PCDHGA3: variants seen among roughly 807,000 people sequenced by gnomAD.
PCDHGA3 encodes the protein protocadherin gamma-A3.
A neutral mutation model predicts 58.5 loss-of-function variants in PCDHGA3; 40 were observed. The ratio of observed to expected loss-of-function variants is 0.68; its 90% confidence interval spans 0.53 to 0.89. PCDHGA3 has a LOEUF of 0.89. PCDHGA3 is among the 40% of genes least tolerant of loss of function. The pLI, the probability that PCDHGA3 is intolerant of heterozygous loss-of-function variation, is 0.00. For missense variants in PCDHGA3, 1,223 were observed against 1,195.9 expected (o/e 1.02, Z -0.33); for synonymous variants, 530 against 525.7 (o/e 1.01, Z -0.11).
intron 1 of PCDHGA3, chr5:141,390,040 C>T (rs2092027580): frequency 6.2e-7 from 1 of 1,614,072 alleles, no homozygotes; most frequent in Non-Finnish European, 8.5e-7. Context: ...TCCTCCAGCC[C>T]CGCCTCCTGG....
At chr5:141,369,807 C>A (rs998139632) in intron 1 of PCDHGA3, among the ~76,000 whole-genome samples, 1 of 152,130 alleles carries the variant, frequency 6.6e-6, no homozygotes, top group Non-Finnish European at 1.5e-5. Flanking sequence ...CTGCCATCAC[C>A]AAAAATAGCT....
rs75563633 is a variant in PCDHGA3 at position 141,365,084 on chromosome 5, C to G, written c.2424+18627C>G. The G allele has an allele frequency of 4.2e-4, 675 of 1,613,836 alleles. 2 individuals carry two copies. The African/African-American group carries it at 8.3e-3, about 20-fold the overall frequency. ...CCCATCCGAGTACAGCGTGAGTGTT[C>G]CAGAGAACATACCTGTGGGCACTCG... On this transcript the variant is annotated intron_variant, in intron 1 of 3. Coordinates refer to ENST00000253812, the MANE Select transcript of PCDHGA3 (RefSeq NM_018916.4).
At chr5:141,405,407 CT>C (rs762612492) in intron 1 of PCDHGA3, 3 of 1,582,042 alleles carry the variant, frequency 1.9e-6, no homozygotes, top group South Asian at 1.1e-5. Context: ...TCTTTCTTTT[CT>C]TTTTTTGTTT....
At chr5:141,501,866 C>T (rs1193396289) in intron 2 of PCDHGA3, among the ~76,000 whole-genome samples, 4 of 152,108 alleles carry the variant, frequency 2.6e-5, no homozygotes, top group South Asian at 2.1e-4. Context: ...TTTCCCAGGA[C>T]GCCTCCTTAC....
intron 1 of PCDHGA3, chr5:141,371,022 C>T (rs758259761): frequency 1.2e-4 from 200 of 1,613,906 alleles, no homozygotes; most frequent in Non-Finnish European, 1.6e-4. Flanking sequence ...ACATCACCAC[C>T]TGGTCCTCAC....
At chr5:141,463,981 A>G (rs1441851777) in intron 1 of PCDHGA3, among the ~76,000 whole-genome samples, 1 of 152,150 alleles carries the variant, frequency 6.6e-6, no homozygotes, top group Non-Finnish European at 1.5e-5. Context: ...ACTCCATTGT[A>G]AAAACCAGGT....
chr5:141,427,355 C>A (rs765449381), intron 1 of PCDHGA3: 9 of 457,430 alleles, frequency 2.0e-5, no homozygotes, highest in Non-Finnish European at 3.5e-5. Context: ...TAACTGAGGA[C>A]GCAGAACCCT....
chr5:141,503,418 A>G (rs1037754214), intron 2 of PCDHGA3, among the ~76,000 whole-genome samples: 1 of 151,528 alleles, frequency 6.6e-6, no homozygotes, highest in Admixed American at 6.6e-5. Context: ...AATATGGTGA[A>G]ACCCCATCTC....
At chr5:141,351,546 C>G (rs764015416) in intron 1 of PCDHGA3, 1 of 1,614,050 alleles carries the variant, frequency 6.2e-7, no homozygotes, top group East Asian at 2.2e-5. Flanking sequence ...CCAGCCCTTT[C>G]CTCCAGGACA....
chr5:141,371,829 C>G (rs763758826), intron 1 of PCDHGA3: 13 of 1,613,692 alleles, frequency 8.1e-6, no homozygotes, highest in Non-Finnish European at 1.0e-5. Flanking sequence ...AGCCTCGGAT[C>G]CCGACTTGGG....
chr5:141,432,139 TATCCCAGAGAACA>T lies in PCDHGA3; in HGVS notation c.2425-62658_2425-62646del, dbSNP rs745506362. On this transcript the variant is annotated intron_variant, in intron 1 of 3. Transcript: ENST00000253812. The surrounding 1 kb of genome is among the most constrained non-coding windows in gnomAD (Gnocchi z 6.0). ...TCCCTCAGGCCTCCTATTCCGCTTA[TATCCCAGAGAACA>T]ATCCCAGAGGAGTTTCCCTCGTCTC... 1.1e-5 allele frequency: 17 copies of T among 1,613,976 alleles called. No individual in the cohort carries two copies. The highest frequency in any genetic ancestry group is 1.3e-5 in the African/African-American group (1 of 74,892).
chr5:141,488,170 T>C (rs554585709), intron 1 of PCDHGA3, among the ~76,000 whole-genome samples: 2 of 152,318 alleles, frequency 1.3e-5, no homozygotes, highest in African/African-American at 2.4e-5. Context: ...ATCAGAGTGG[T>C]GGCATAGATC....
rs751145850 is a variant in PCDHGA3 at position 141,432,148 on chromosome 5, G to A, written c.2425-62659G>A. The A allele has an allele frequency of 6.1e-5, 99 of 1,613,884 alleles. No individual in the cohort carries two copies. The Admixed American group carries it at 1.5e-3, about 24-fold the overall frequency. On this transcript the variant is annotated intron_variant, in intron 1 of 3. Transcript: ENST00000253812. The surrounding 1 kb of genome is among the most constrained non-coding windows in gnomAD (Gnocchi z 6.0). ...CCTCCTATTCCGCTTATATCCCAGA[G>A]AACAATCCCAGAGGAGTTTCCCTCG...
chr5:141,367,062 T>C (rs1420841917), intron 1 of PCDHGA3: 1 of 308,254 alleles, frequency 3.2e-6, no homozygotes, highest in East Asian at 7.5e-5. Context: ...ATGTTTTATT[T>C]ATTCAAATTG....
At chr5:141,360,424 G>A (rs1561520496) in intron 1 of PCDHGA3, 6 of 1,613,958 alleles carry the variant, frequency 3.7e-6, no homozygotes, top group Non-Finnish European at 3.4e-6. Context: ...ACAGATATGC[G>A]GGAAGCAGCC....
rs745835885 is a variant in PCDHGA3 at position 141,376,254 on chromosome 5, T to G, written c.2424+29797T>G. The G allele has an allele frequency of 2.5e-6, 4 of 1,614,098 alleles. No homozygotes were observed. In the African/African-American group the frequency reaches 5.3e-5, roughly 22 times the overall value. On this transcript the variant is annotated intron_variant, in intron 1 of 3. Transcript: ENST00000253812. ...CTGCAGCGCTGGCACAAGTCACGCC[T>G]GCTGCAGGCTTCGGGAGGTGGCTTA...
intron 1 of PCDHGA3, chr5:141,402,981 G>A (rs375892904): frequency 1.2e-6 from 2 of 1,608,410 alleles, no homozygotes; most frequent in Non-Finnish European, 1.7e-6. Flanking sequence ...TGCCAGCTCC[G>A]CGGAAGATTA....
At chr5:141,372,218 T>C in intron 1 of PCDHGA3, 1 of 1,613,544 alleles carries the variant, frequency 6.2e-7, no homozygotes, top group Non-Finnish European at 8.5e-7. Flanking sequence ...CCTACCACAT[T>C]GTGCAGGCCA....
chr5:141,373,898 A>G (rs1039826496), intron 1 of PCDHGA3: 7 of 541,044 alleles, frequency 1.3e-5, no homozygotes, highest in African/African-American at 1.2e-4. Context: ...CTCAAGTTAC[A>G]TCCTCCAACA....
Sources: allele counts gnomAD v4.1 joint callset (sites outside exome capture counted in the v4.1 genomes callset), GRCh38; gene constraint gnomAD v4.1.1; non-coding constraint Gnocchi (gnomAD v3.1); transcripts MANE v1.5; gene names NCBI Gene and HGNC (gene_info 2026-07-23, HGNC 2026-07-21).